Variants in TRPM8 observed in about 807,000 individuals in gnomAD.
TRPM8 encodes transient receptor potential cation channel subfamily M member 8, also known as TRPM8 cationic channel.
TRPM8 carries 110 observed loss-of-function variants against 133.7 expected under a neutral mutation model. The ratio of observed to expected loss-of-function variants is 0.82; its 90% confidence interval spans 0.70 to 0.96. The LOEUF (loss-of-function observed/expected upper bound fraction) is 0.96, where lower values mean the gene tolerates loss of function less well. Among genes scored for constraint, TRPM8 ranks in the 40% least tolerant of loss-of-function variants. TRPM8 has a pLI of 0.00. For synonymous variants in TRPM8, 535 were observed against 532.3 expected (o/e 1.01, Z -0.07); for missense variants, 1,291 against 1,379.5 (o/e 0.94, Z 1.02).
At chr2:233,992,281 T>C (rs1371861126) in intron 21 of TRPM8, among the ~76,000 whole-genome samples, 2 of 152,174 alleles carry the variant, frequency 1.3e-5, no homozygotes, top group Admixed American at 1.3e-4. Flanking sequence ...CTCCTTTCTC[T>C]TTCTCTTCCT....
At chr2:233,999,349 G>T (rs1027236247) in intron 22 of TRPM8, among the ~76,000 whole-genome samples, 11 of 151,108 alleles carry the variant, frequency 7.3e-5, no homozygotes, top group Non-Finnish European at 1.6e-4. Flanking sequence ...AGCAGGTACT[G>T]CAAGGCCCCT....
At position 233,944,483 on chromosome 2, in the gene TRPM8, ACAGAGCCCATTTCCTGGCAACAAGT is replaced by A. The variant is rs1690994313; in HGVS notation, c.700-1372_700-1348del. On this transcript the variant is annotated intron_variant, in intron 6 of 25. Coordinates refer to ENST00000324695, the MANE Select transcript of TRPM8 (RefSeq NM_024080.5). ...TTCAAAGTCTCCCTAGAGGCTGTTT[ACAGAGCCCATTTCCTGGCAACAAGT>A]AAAACTTGAAATGAATATGTAAAGA... Among the ~76,000 whole-genome samples the A allele has an allele frequency of 2.0e-5, 3 of 152,320 alleles. No homozygotes were observed. In the South Asian group the frequency reaches 6.2e-4, roughly 32 times the overall value.
At chr2:233,979,589 A>G (rs1343768975) in intron 17 of TRPM8, among the ~76,000 whole-genome samples, 1 of 152,216 alleles carries the variant, frequency 6.6e-6, no homozygotes, top group Non-Finnish European at 1.5e-5. Context: ...TTTTCCTGAC[A>G]TACTTTCTTC....
intron 4 of TRPM8, among the ~76,000 whole-genome samples, chr2:233,937,852 T>G (rs897989206): frequency 6.6e-6 from 1 of 152,104 alleles, no homozygotes; most frequent in African/African-American, 2.4e-5. Context: ...ACTCCTGAGG[T>G]ACATATGGCC....
intron 15 of TRPM8, among the ~76,000 whole-genome samples, chr2:233,967,627 T>C (rs1194690867): frequency 6.6e-6 from 1 of 152,234 alleles, no homozygotes; most frequent in Non-Finnish European, 1.5e-5. Flanking sequence ...CTTTCCATGA[T>C]ATCATACAGC....
chr2:234,007,639 T>A (rs1692726843), intron 23 of TRPM8, among the ~76,000 whole-genome samples: 1 of 152,190 alleles, frequency 6.6e-6, no homozygotes, highest in Non-Finnish European at 1.5e-5. Context: ...CACCTCAAGT[T>A]TCACTCTAAC....
chr2:233,960,299 G>A (rs1574726742), intron 11 of TRPM8, among the ~76,000 whole-genome samples: 4 of 152,234 alleles, frequency 2.6e-5, no homozygotes, highest in Admixed American at 2.6e-4. Context: ...ATCTGTGAAG[G>A]GCAGCAGATC....
Position 233,983,043 on chromosome 2 carries a change from C to A in TRPM8, c.2590-10C>A. 6.2e-7 allele frequency: 1 copy of A among 1,609,158 alleles called. No homozygotes were observed. ...GGTCCTGACTCCGCTCTCCTGTCCT[C>A]CCCTGACAGCTGATCGATGTGTTCT... On this transcript the variant is annotated splice_polypyrimidine_tract_variant and intron_variant, in intron 19 of 25. Transcript: ENST00000324695.
At chr2:233,963,132 T>G in intron 12 of TRPM8, 150 bp from the exon 13 acceptor site, 1 of 453,038 alleles carries the variant, frequency 2.2e-6, no homozygotes, top group Non-Finnish European at 4.0e-6. Flanking sequence ...CCCAATGAGT[T>G]GCAGAGATGA....
intron 22 of TRPM8, among the ~76,000 whole-genome samples, chr2:233,999,953 G>T (rs1192816819): frequency 1.3e-5 from 2 of 152,100 alleles, no homozygotes; most frequent in Non-Finnish European, 2.9e-5. Flanking sequence ...GCACTTAGCT[G>T]ATTTTCTGTT....
rs1386579956 is a variant in TRPM8 at position 233,983,033 on chromosome 2, C to T, written c.2590-20C>T. The T allele has an allele frequency of 2.5e-6, 4 of 1,605,960 alleles. No homozygotes were observed. Among genetic ancestry groups the T allele is most frequent in the African/African-American group, 2.7e-5 (2 of 74,942 alleles). On this transcript the variant is annotated intron_variant, in intron 19 of 25. Transcript: ENST00000324695. ...CTGTGGGCACGGTCCTGACTCCGCT[C>T]TCCTGTCCTCCCCTGACAGCTGATC...
intron 21 of TRPM8, 130 bp downstream of exon 21, chr2:233,985,995 T>G: frequency 2.3e-6 from 2 of 867,626 alleles, no homozygotes; most frequent in Non-Finnish European, 3.5e-6. Context: ...GGGGGATTGG[T>G]GGACTGGAGG....
At chr2:233,943,454 A>C (rs556522134) in intron 6 of TRPM8, among the ~76,000 whole-genome samples, 85 of 152,326 alleles carry the variant, frequency 5.6e-4, no homozygotes, top group Admixed American at 2.2e-3. Flanking sequence ...CATTCTCAGC[A>C]AACTATTGCA....
At position 233,984,850 on chromosome 2, in the gene TRPM8, G is replaced by A. The variant is rs141667287; in HGVS notation, c.2762-838G>A. On this transcript the variant is annotated intron_variant, in intron 20 of 25. Transcript: ENST00000324695. The stretch of plus-strand genomic sequence containing the variant: ...TGTAATCCCAGCACTTTGGGAGGCC[G>A]AGGCAGACGGATCACCTAAGGACAA... 5.8e-3 allele frequency among the ~76,000 whole-genome samples: 879 copies of A among 152,280 alleles called. 7 individuals carry two copies. The highest frequency in any genetic ancestry group is 0.01 in the Middle Eastern group (3 of 294).
Position 233,956,353 on chromosome 2 carries a change from T to C in TRPM8, c.1362+1103T>C, listed in dbSNP as rs145557529. ...TTTTTTTTCTTTCTAGCAAACTGCA[T>C]TTTCTCACTTTTCAATGTGATTAGT... On this transcript the variant is annotated intron_variant, in intron 11 of 25. Coordinates refer to ENST00000324695, the MANE Select transcript of TRPM8 (RefSeq NM_024080.5). Among the ~76,000 whole-genome samples, 9 of 152,292 alleles carry C rather than the reference T, an allele frequency of 5.9e-5. No individual in the cohort carries two copies. The East Asian group carries it at 1.7e-3, about 29-fold the overall frequency.
At chr2:233,987,306 ATAT>A (rs1180102670) in intron 21 of TRPM8, among the ~76,000 whole-genome samples, 1 of 152,264 alleles carries the variant, frequency 6.6e-6, no homozygotes, top group African/African-American at 2.4e-5. Flanking sequence ...TTATGGCATA[ATAT>A]TGTTTTCTAA....
intron 21 of TRPM8, among the ~76,000 whole-genome samples, chr2:233,986,668 A>G (rs547952376): frequency 6.6e-6 from 1 of 151,684 alleles, no homozygotes; most frequent in East Asian, 1.9e-4. Flanking sequence ...AGATAAACAT[A>G]TTTGATTATA....
In TRPM8 at chr2:233,985,734, C is replaced by T; in HGVS notation, c.2808C>T (p.Ser936=). The T allele has an allele frequency of 6.2e-7, 1 of 1,613,936 alleles. No homozygotes were observed. The highest frequency in any genetic ancestry group is 8.5e-7 in the Non-Finnish European group (1 of 1,180,010). ...ACTGCACCTTCACTGGGAATGAGTC[C>T]AAGCCACTGTGTGTGGAGCTGGATG... ...FAHCTFTGNE[S]KPLCVELDEH... is the part of the protein sequence containing the mutation. Residue 936 remains serine (S), a synonymous_variant, in exon 21 of 26, where the codon TCC becomes TCT. Transcript: ENST00000324695.
At chr2:234,007,088 C>G in intron 23 of TRPM8, 136 bp downstream of exon 23, 1 of 615,440 alleles carries the variant, frequency 1.6e-6, no homozygotes, top group Non-Finnish European at 2.9e-6. Flanking sequence ...AGATATTACC[C>G]GGGCAATTGA....
Sources: allele counts gnomAD v4.1 joint callset (sites outside exome capture counted in the v4.1 genomes callset), GRCh38; gene constraint gnomAD v4.1.1; transcripts MANE v1.5; gene names NCBI Gene and HGNC (gene_info 2026-07-23, HGNC 2026-07-21).